Variants in CAPN10 observed in about 807,000 individuals in gnomAD.
CAPN10 encodes the protein calpain 10, also known as calpain-10.
In CAPN10, 71 loss-of-function variants were observed where a neutral mutation model predicts 78.4. That is an observed-to-expected ratio of 0.91 (90% CI 0.75 to 1.10). The LOEUF is 1.10. Among genes scored for constraint, CAPN10 ranks in the 50% least tolerant of loss-of-function variants. The pLI, the probability that CAPN10 is intolerant of heterozygous loss-of-function variation, is 0.00. For missense variants in CAPN10, 849 were observed against 924.6 expected, an observed-to-expected ratio of 0.92 and a Z score of 1.06; for synonymous variants, 437 against 407.2, an observed-to-expected ratio of 1.07 and a Z score of -0.88.
chr2:240,593,230 C>T (rs533781734), intron 4 of CAPN10, among the ~76,000 whole-genome samples: 1 of 152,308 alleles, frequency 6.6e-6, no homozygotes, highest in East Asian at 1.9e-4. Flanking sequence ...TAGAGGAAGC[C>T]CCCAGGCAGA....
chr2:240,587,112 C>G, intron 1 of CAPN10, 60 bp downstream of exon 1: 2 of 1,174,412 alleles, frequency 1.7e-6, no homozygotes, highest in Non-Finnish European at 2.2e-6. Context: ...CCGCTCCTCG[C>G]AGGGAGCGGG....
chr2:240,598,344 C>T lies in CAPN10; in HGVS notation c.1944-8C>T. On this transcript the variant is annotated splice_region_variant and splice_polypyrimidine_tract_variant and intron_variant, in intron 10 of 11. Transcript: ENST00000391984. ...GTCTGGGAGCGCTGATCTGGTGTCT[C>T]TCCACAGGCCATCCATTCACAGCCA... 6.2e-7 allele frequency: 1 copy of T among 1,613,812 alleles called. No individual in the cohort carries two copies. Among genetic ancestry groups the T allele is most frequent in the South Asian group, 1.1e-5 (1 of 91,086 alleles).
rs750807609 is a variant in CAPN10 at position 240,595,279 on chromosome 2, A to T, written c.1253A>T (p.Gln418Leu). Residue 418 changes from glutamine (Q) to leucine (L), a missense_variant, in exon 7 of 12, where the codon CAG becomes CTG. Gln to Leu is a moderately radical substitution (Grantham distance 113, BLOSUM62 -2). Coordinates refer to ENST00000391984, the MANE Select transcript of CAPN10 (RefSeq NM_023083.4). Reference protein sequence around the residue: ...SPASIPGKHYQAVGLHLWKVE... With the variant: ...SPASIPGKHYLAVGLHLWKVE... ...GCGAGCATCCCGGGCAAGCACTACC[A>T]GGCTGTGGGTCTGCACCTCTGGAAG... The T allele has an allele frequency of 1.2e-6, 2 of 1,613,356 alleles. No individual in the cohort carries two copies. The highest frequency in any genetic ancestry group is 1.1e-5 in the South Asian group (1 of 91,082).
At chr2:240,594,074 G>A in intron 5 of CAPN10, 27 bp downstream of exon 5, 2 of 1,548,752 alleles carry the variant, frequency 1.3e-6, no homozygotes, top group Non-Finnish European at 1.7e-6. Context: ...GGACCATGCT[G>A]CTGTCGGGAG....
intron 1 of CAPN10, among the ~76,000 whole-genome samples, chr2:240,588,324 C>T (rs2093081075): frequency 6.6e-6 from 1 of 151,962 alleles, no homozygotes; most frequent in African/African-American, 2.4e-5. Flanking sequence ...AGTCCACAGC[C>T]TGGGAGAGTG....
chr2:240,593,489 C>T (rs2093116238), intron 4 of CAPN10, among the ~76,000 whole-genome samples: 1 of 152,276 alleles, frequency 6.6e-6, no homozygotes, highest in African/African-American at 2.4e-5. Context: ...AGCCAGGGCA[C>T]TATCTGAATG....
chr2:240,587,100 C>T (rs1297579593), intron 1 of CAPN10, 48 bp downstream of exon 1: 5 of 1,239,328 alleles, frequency 4.0e-6, no homozygotes, highest in Non-Finnish European at 5.2e-6. Flanking sequence ...TTTCTGAGAT[C>T]TCCGCTCCTC....
chr2:240,588,373 G>T (rs2093081402), intron 1 of CAPN10, among the ~76,000 whole-genome samples: 1 of 152,190 alleles, frequency 6.6e-6, no homozygotes, highest in East Asian at 1.9e-4. Context: ...GGGGCCTTGG[G>T]GCTGAGCCTT....
chr2:240,594,848 G>A, intron 6 of CAPN10, 139 bp downstream of exon 6: 2 of 1,223,700 alleles, frequency 1.6e-6, no homozygotes, highest in East Asian at 4.9e-5. Flanking sequence ...CAGGAGCCGG[G>A]AGGAGGGTGA....
At chr2:240,589,795 G>T in intron 2 of CAPN10, 1 of 276,378 alleles carries the variant, frequency 3.6e-6, no homozygotes, top group Non-Finnish European at 6.8e-6. Flanking sequence ...CTCACAGGAG[G>T]ACGGGGCTGG....
intron 9 of CAPN10, among the ~76,000 whole-genome samples, chr2:240,597,569 G>A (rs1030048043): frequency 1.1e-4 from 17 of 152,254 alleles, no homozygotes; most frequent in African/African-American, 3.9e-4. Context: ...CTGGGCCACC[G>A]GCTCAGGTCC....
In CAPN10 at chr2:240,598,155, C is replaced by G. The variant is rs374410994; in HGVS notation, c.1943+68C>G. On this transcript the variant is annotated intron_variant, in intron 10 of 11. Transcript: ENST00000391984. ...TGCTGGAGTCTTAGTGCTCGCCTGT[C>G]CCCCCACGTCTCCTGCCTGCCCCTC... is the stretch of plus-strand genomic sequence containing the variant. 5.6e-5 allele frequency: 82 copies of G among 1,453,370 alleles called. No individual in the cohort carries two copies. The East Asian group carries it at 1.3e-3, about 23-fold the overall frequency. 90.0% of individuals were successfully genotyped at this position (1,453,370 alleles called of 1,614,324 possible). A position where few individuals can be genotyped will look rare whatever the true frequency, so the allele number is the denominator to read the frequency against.
intron 11 of CAPN10, 114 bp downstream of exon 11, chr2:240,598,511 C>T (rs2093151715): frequency 6.8e-7 from 1 of 1,464,194 alleles, no homozygotes; most frequent in Non-Finnish European, 9.5e-7. Flanking sequence ...GTGCCCTTGA[C>T]TCTTCCTGTG....
intron 5 of CAPN10, 158 bp from the exon 6 acceptor site, chr2:240,594,385 C>A: frequency 1.3e-6 from 1 of 754,490 alleles, no homozygotes; most frequent in Non-Finnish European, 2.2e-6. Context: ...TGCTGCAGAG[C>A]TGCTTCGGGT....
Position 240,592,015 on chromosome 2 carries a change from T to C in CAPN10, c.553T>C (p.Trp185Arg). 6.2e-7 allele frequency: 1 copy of C among 1,613,202 alleles called. No homozygotes were observed. The highest frequency in any genetic ancestry group is 8.5e-7 in the Non-Finnish European group (1 of 1,179,990). The change falls in exon 4 of 12, where the codon TGG (tryptophan) becomes CGG (arginine). Residue 185 changes from tryptophan to arginine, a missense_variant. Trp to Arg is a moderately radical substitution (Grantham distance 101). Coordinates refer to ENST00000391984, the MANE Select transcript of CAPN10 (RefSeq NM_023083.4). ...VDLTGGLAER[W>R]NLKGVAGSGG... Reference sequence around the variant, plus strand: ...CCTGACCGGCGGCCTGGCAGAAAGATGGAACCTGAAGGGCGTAGCAGGAAG... The same window carrying C: ...CCTGACCGGCGGCCTGGCAGAAAGACGGAACCTGAAGGGCGTAGCAGGAAG...
chr2:240,592,370 T>C (rs1191396784), intron 4 of CAPN10: 2 of 691,280 alleles, frequency 2.9e-6, no homozygotes, highest in African/African-American at 3.5e-5. Flanking sequence ...ACCAGTCCTT[T>C]CCACTAGTGC....
intron 1 of CAPN10, among the ~76,000 whole-genome samples, chr2:240,589,113 A>G (rs996264020): frequency 1.3e-5 from 2 of 152,100 alleles, no homozygotes; most frequent in African/African-American, 4.8e-5. Flanking sequence ...AGAGTTTGGG[A>G]TTTTTCCAGT....
In CAPN10 at chr2:240,597,976, A is replaced by T; in HGVS notation, c.1832A>T (p.Glu611Val). Residue 611 changes from glutamate (E) to valine (V), a missense_variant, in exon 10 of 12, where the codon GAG (glutamate) becomes GTG (valine). Physicochemically the swap from Glu to Val is moderately radical, Grantham distance 121 (BLOSUM62 -2). Coordinates refer to ENST00000391984, the MANE Select transcript of CAPN10 (RefSeq NM_023083.4). ...LSCVPHRYAQ[E>V]VSRLCLLPAG... is the part of the protein sequence containing the mutation. The stretch of plus-strand genomic sequence containing the variant: ...TGCGTGCCACATCGCTACGCCCAGG[A>T]GGTGAGCCGGCTCTGCCTCCTGCCT... 6.2e-7 allele frequency: 1 copy of T among 1,613,034 alleles called. No homozygotes were observed. The highest frequency in any genetic ancestry group is 8.5e-7 in the Non-Finnish European group (1 of 1,179,938).
In CAPN10 at chr2:240,586,823, G is replaced by A; in HGVS notation, c.-89G>A. 1 of 1,238,232 alleles carries A rather than the reference G, an allele frequency of 8.1e-7. No homozygotes were observed. The allele number at this position is 1,238,232 out of a possible 1,614,324, so 76.7% of individuals were successfully genotyped here. On this transcript the variant is annotated 5_prime_UTR_variant, in exon 1 of 12. Coordinates refer to ENST00000391984, the MANE Select transcript of CAPN10 (RefSeq NM_023083.4). ...GGCCGGGCGGGGAACGGGCGGGGCG[G>A]GCCGGAGGCGGCGGCGGCTGACTCG...
Sources: allele counts gnomAD v4.1 joint callset (sites outside exome capture counted in the v4.1 genomes callset), GRCh38; gene constraint gnomAD v4.1.1; transcripts MANE v1.5; gene names NCBI Gene and HGNC (gene_info 2026-07-23, HGNC 2026-07-21).